The following ZNF366 variants were observed in gnomAD, a reference collection of about 807,000 sequenced individuals.
The protein encoded by ZNF366 is dendritic cell-specific transcript protein.
In ZNF366, 20 loss-of-function variants were observed where a neutral mutation model predicts 47.2. The ratio of observed to expected loss-of-function variants is 0.42; its 90% CI spans 0.30 to 0.62. The LOEUF is 0.62. Ranked by LOEUF, ZNF366 falls within the 20% of genes least tolerant of loss-of-function variation. ZNF366 has a pLI of 0.16. For synonymous variants in ZNF366, 421 were observed against 395.1 expected, an observed-to-expected ratio of 1.07 and a Z score of -0.78; for missense variants, 987 against 976.3, an observed-to-expected ratio of 1.01 and a Z score of -0.15.
intron 2 of ZNF366, among the ~76,000 whole-genome samples, chr5:72,457,301 C>T (rs956187322): frequency 4.6e-5 from 7 of 152,122 alleles, no homozygotes; most frequent in Non-Finnish European, 8.8e-5. Context: ...GTGTTTGAAC[C>T]AAGGCCCTTA....
chr5:72,478,201 G>A (rs1743713561), intron 1 of ZNF366, among the ~76,000 whole-genome samples: 1 of 148,976 alleles, frequency 6.7e-6, no homozygotes, highest in African/African-American at 2.4e-5. Flanking sequence ...TTTATGCAAT[G>A]TCTGCTCTGT....
intron 1 of ZNF366, among the ~76,000 whole-genome samples, chr5:72,478,015 GT>G (rs920353196): frequency 8.0e-5 from 12 of 150,696 alleles, no homozygotes; most frequent in South Asian, 2.1e-4. Flanking sequence ...TTGAGGGTTT[GT>G]TTTTTTTTAA....
In ZNF366 at chr5:72,447,398, T is replaced by C; in HGVS notation, c.1544A>G (p.Asn515Ser). ...FKCKLCGKEF[N>S]RMHNLMGHMH... Reference sequence around the variant, plus strand: ...GTGGCCCATCAGGTTGTGCATCCGGTTGAATTCCTTCCCACAAAGCTGTTG... The same window carrying C: ...GTGGCCCATCAGGTTGTGCATCCGGCTGAATTCCTTCCCACAAAGCTGTTG... The change falls in exon 4 of 5, where the codon AAC becomes AGC. Residue 515 changes from asparagine to serine, a missense_variant. Physicochemically the swap from Asn to Ser is conservative, Grantham distance 46. This residue lies in a region of ZNF366 where 111 missense variants were observed against 180.5 expected (regional missense o/e 0.61). Coordinates refer to ENST00000318442, the MANE Select transcript of ZNF366 (RefSeq NM_152625.3). 1 of 1,614,178 alleles carries C rather than the reference T, an allele frequency of 6.2e-7. No homozygotes were observed. The highest frequency in any genetic ancestry group is 8.5e-7 in the Non-Finnish European group (1 of 1,180,026).
At position 72,443,777 on chromosome 5, in the gene ZNF366, T is replaced by C. The variant is rs752044173; in HGVS notation, c.2214A>G (p.Gln738=). ...KELLERKMEK[Q]AVLLGI is the part of the protein sequence containing the mutation. ...CCACTTAGATACCTAAAAGCACTGC[T>C]TGTTTTTCCATTTTCCTCTCCAGTA... The change falls in exon 5 of 5, where the codon CAA becomes CAG. Residue 738 remains glutamine (Q), a synonymous_variant. Coordinates refer to ENST00000318442, the MANE Select transcript of ZNF366 (RefSeq NM_152625.3). 5.6e-6 allele frequency: 9 copies of C among 1,613,256 alleles called. No homozygotes were observed. In the Admixed American group the frequency reaches 6.7e-5, roughly 12 times the overall value.
At chr5:72,451,354 A>C (rs1743067401) in intron 3 of ZNF366, among the ~76,000 whole-genome samples, 1 of 152,276 alleles carries the variant, frequency 6.6e-6, no homozygotes, top group African/African-American at 2.4e-5. Context: ...ATGGAAAAAA[A>C]TATTTTAAAG....
intron 1 of ZNF366, among the ~76,000 whole-genome samples, chr5:72,472,293 C>T (rs1743582831): frequency 1.3e-5 from 2 of 152,160 alleles, no homozygotes; most frequent in South Asian, 4.1e-4. Context: ...CATGAGAGAA[C>T]AAAAAGCAGA....
chr5:72,490,812 GC>G (rs1743993204), intron 1 of ZNF366, among the ~76,000 whole-genome samples: 1 of 152,174 alleles, frequency 6.6e-6, no homozygotes, highest in African/African-American at 2.4e-5. Flanking sequence ...GCATTAGACT[GC>G]CCCCAGTTGA....
rs749807593 is a variant in ZNF366, at chr5:72,443,958, C to G, written c.2033G>C (p.Arg678Thr). 1.2e-6 allele frequency: 2 copies of G among 1,614,198 alleles called. No homozygotes were observed. The highest frequency in any genetic ancestry group is 1.7e-6 in the Non-Finnish European group (2 of 1,180,028). The change falls in exon 5 of 5, where the codon AGG becomes ACG. Residue 678 changes from arginine (R) to threonine (T), a missense_variant. Around this residue, in one of 3 missense-constraint regions of ZNF366, gnomAD observed 285 missense variants for 234.8 expected, o/e 1.21. Coordinates refer to ENST00000318442, the MANE Select transcript of ZNF366 (RefSeq NM_152625.3). ...EDASKGEWEK[R>T]SKGDLGAEGG... ...CTCTGCCCCAAGGTCACCCTTGCTCCTCTTCTCCCATTCTCCCTTGGATGC... is the reference window on the plus strand; with the variant it reads ...CTCTGCCCCAAGGTCACCCTTGCTCGTCTTCTCCCATTCTCCCTTGGATGC...
intron 4 of ZNF366, among the ~76,000 whole-genome samples, chr5:72,446,294 G>A (rs1360572107): frequency 6.6e-6 from 1 of 152,172 alleles, no homozygotes; most frequent in African/African-American, 2.4e-5. Flanking sequence ...TGTCCCTAAG[G>A]TGTCTCACCC....
Position 72,456,409 on chromosome 5 carries a change from A to G in ZNF366, c.1519T>C (p.Cys507Arg), listed in dbSNP as rs1284577042. 6.3e-7 allele frequency: 1 copy of G among 1,599,488 alleles called. No individual in the cohort carries two copies. The highest frequency in any genetic ancestry group is 8.6e-7 in the Non-Finnish European group (1 of 1,168,516). Residue 507 changes from cysteine to arginine, a missense_variant, in exon 3 of 5, where the codon TGC becomes CGC. Coordinates refer to ENST00000318442, the MANE Select transcript of ZNF366 (RefSeq NM_152625.3). The stretch of plus-strand genomic sequence containing the variant: ...TCTCTAGTCCCACTGCCCACCTTGC[A>G]TTTGAAAGGCTTCACGTCAGAGTGG... ...IVHSDVKPFK[C>R]KLCGKEFNRM... is the part of the protein sequence containing the mutation.
At chr5:72,487,021 C>T (rs574951934) in intron 1 of ZNF366, among the ~76,000 whole-genome samples, 22 of 152,262 alleles carry the variant, frequency 1.4e-4, no homozygotes, top group African/African-American at 4.3e-4. Context: ...GTGATCCACC[C>T]GCCTTGGCCT....
chr5:72,468,285 C>T (rs111965814), intron 1 of ZNF366, among the ~76,000 whole-genome samples: 23 of 152,326 alleles, frequency 1.5e-4, no homozygotes, highest in African/African-American at 5.3e-4. Context: ...TAACCCGATA[C>T]TGGGCCAGGC....
intron 2 of ZNF366, among the ~76,000 whole-genome samples, chr5:72,458,819 G>A (rs557959083): frequency 1.3e-5 from 2 of 152,198 alleles, no homozygotes; most frequent in African/African-American, 4.8e-5. Context: ...TCATTAAAGT[G>A]TATTTTGTTT....
At position 72,443,709 on chromosome 5, in the gene ZNF366, G is replaced by A. The variant is rs770111919; in HGVS notation, c.*47C>T. On this transcript the variant is annotated 3_prime_UTR_variant, in exon 5 of 5. Transcript: ENST00000318442. ...ACAGTTCATGCAGAAAGCTATATTT[G>A]AACTGCCTCCTTCTCATTTTCCAAA... 2 of 1,559,186 alleles carry A rather than the reference G, an allele frequency of 1.3e-6. No homozygotes were observed. The highest frequency in any genetic ancestry group is 1.2e-5 in the South Asian group (1 of 81,840).
At position 72,444,240 on chromosome 5, in the gene ZNF366, C is replaced by T. The variant is rs183654660; in HGVS notation, c.1751G>A (p.Ser584Asn). 1.2e-6 allele frequency: 2 copies of T among 1,613,516 alleles called. No homozygotes were observed. The highest frequency in any genetic ancestry group is 1.7e-6 in the Non-Finnish European group (2 of 1,180,014). The part of the protein sequence containing the change: ...ALAQTAGVLR[S>N]LEQEEPFDLS... ...GTCAAAGGGCTCCTCCTGCTCCAGA[C>T]TCCTCAGGACACCGGCTGTCTGTGC... Residue 584 changes from serine to asparagine, a missense_variant, in exon 5 of 5, where the codon AGT becomes AAT. Physicochemically the swap from Ser to Asn is conservative, Grantham distance 46. Coordinates refer to ENST00000318442, the MANE Select transcript of ZNF366 (RefSeq NM_152625.3).
chr5:72,456,354 C>A, intron 3 of ZNF366, 50 bp downstream of exon 3: 5 of 1,541,016 alleles, frequency 3.2e-6, no homozygotes, highest in Non-Finnish European at 4.4e-6. Context: ...GACCCTTTCC[C>A]ATCAGGCATT....
At chr5:72,450,683 C>T (rs372485358) in intron 3 of ZNF366, among the ~76,000 whole-genome samples, 110 of 152,262 alleles carry the variant, frequency 7.2e-4, no homozygotes, top group South Asian at 1.5e-3. Flanking sequence ...CACACCTGGG[C>T]GGTAGGTACT....
chr5:72,486,863 T>C (rs1208899018), intron 1 of ZNF366, among the ~76,000 whole-genome samples: 1 of 152,090 alleles, frequency 6.6e-6, no homozygotes, highest in Non-Finnish European at 1.5e-5. Context: ...CTGCAACCTC[T>C]GCATCCCGGG....
intron 3 of ZNF366, among the ~76,000 whole-genome samples, chr5:72,455,638 T>G (rs1743168710): frequency 6.6e-6 from 1 of 152,216 alleles, no homozygotes; most frequent in South Asian, 2.1e-4. Flanking sequence ...GGAGCATTTC[T>G]GAGTAATGCC....
Sources: gnomAD v4.1 joint callset for allele counts (sites outside exome capture counted in the v4.1 genomes callset) on GRCh38, gnomAD v4.1.1 for gene constraint, gnomAD v4.1.1 regional missense constraint, MANE v1.5 for transcripts, NCBI Gene and HGNC (gene_info 2026-07-23, HGNC 2026-07-21) for gene names.